The following PICK1 variants were observed in gnomAD, a reference collection of about 807,000 sequenced individuals.
PICK1 encodes PRKCA-binding protein.
In PICK1, 23 loss-of-function variants were observed where a neutral mutation model predicts 48.9. The observed-to-expected ratio is 0.47, with a 90% CI of 0.34 to 0.67. The LOEUF (loss-of-function observed/expected upper bound fraction) is 0.67, where lower values mean the gene tolerates loss of function less well. Ranked by LOEUF, PICK1 falls within the 30% of genes least tolerant of loss-of-function variation. The probability of loss-of-function intolerance (pLI) is 0.01; values close to 1 mark genes in which losing one functional copy is unlikely to be tolerated. For synonymous variants in PICK1, 217 were observed against 228.2 expected (o/e 0.95, Z 0.44); for missense variants, 423 against 557.1 (o/e 0.76, Z 2.42).
intron 4 of PICK1, chr22:38,067,461 A>C (rs1200130523): frequency 2.2e-6 from 1 of 454,336 alleles, no homozygotes. Context: ...GGCACGCGCC[A>C]CTACGCCCAG....
At chr22:38,064,865 G>A (rs951096389) in intron 3 of PICK1, 137 bp from the exon 4 acceptor site, 5 of 969,010 alleles carry the variant, frequency 5.2e-6, no homozygotes, top group South Asian at 2.6e-5. Context: ...ACTCCAGCCC[G>A]GGTGGTGAGA....
rs766793735 is a variant in PICK1, at chr22:38,073,851, G to T, written c.834+28G>T. The T allele has an allele frequency of 6.2e-7, 1 of 1,606,544 alleles. No homozygotes were observed. Among genetic ancestry groups the T allele is most frequent in the South Asian group, 1.1e-5 (1 of 90,966 alleles). The stretch of plus-strand genomic sequence containing the variant: ...GAGTGTTGGAGGGGGTGGGGGGCTT[G>T]TACTTCCCCCCACCTGGTCTGCCAG... On this transcript the variant is annotated intron_variant, in intron 11 of 12. Transcript: ENST00000356976. The surrounding 1 kb of genome is among the most constrained non-coding windows in gnomAD (Gnocchi z 5.7).
At chr22:38,057,666 C>T in intron 1 of PICK1, 79 bp downstream of exon 1, 1 of 557,162 alleles carries the variant, frequency 1.8e-6, no homozygotes, top group Non-Finnish European at 3.1e-6. Context: ...ACTGCTGTCC[C>T]GTATGAGGTG....
chr22:38,073,716 C>A lies in PICK1; in HGVS notation c.784-57C>A. 3 of 1,486,914 alleles carry A rather than the reference C, an allele frequency of 2.0e-6. No individual in the cohort carries two copies. Among genetic ancestry groups the A allele is most frequent in the Non-Finnish European group, 2.8e-6 (3 of 1,065,820 alleles). The allele number at this position is 1,486,914 out of a possible 1,614,324, so 92.1% of individuals were successfully genotyped here. On this transcript the variant is annotated intron_variant, in intron 10 of 12. Coordinates refer to ENST00000356976, the MANE Select transcript of PICK1 (RefSeq NM_012407.4). This position sits in a 1 kb window ranked among gnomAD's most constrained non-coding sequence, Gnocchi z 5.7. ...CTGCGTGTGGGTGATGGGGGTGGAG[C>A]TGGGGACCTGGGGTGGGGGTAGTAG...
chr22:38,074,074 T>G lies in PICK1; in HGVS notation c.835-233T>G, dbSNP rs763557290. 1.1e-4 allele frequency: 71 copies of G among 630,498 alleles called. No homozygotes were observed. The highest frequency in any genetic ancestry group is 4.3e-4 in the Middle Eastern group (1 of 2,330). 39.1% of individuals were successfully genotyped at this position (630,498 alleles called of 1,614,324 possible). On this transcript the variant is annotated intron_variant, in intron 11 of 12. Transcript: ENST00000356976. This position sits in a 1 kb window ranked among gnomAD's most constrained non-coding sequence, Gnocchi z 4.5. ...TTTCTTCACTCCTATGAGGCGCTTTTAAGTGTTTGATTTTTCTGCTGTCGG... is the reference window on the plus strand; with the variant it reads ...TTTCTTCACTCCTATGAGGCGCTTTGAAGTGTTTGATTTTTCTGCTGTCGG...
intron 9 of PICK1, 68 bp from the exon 10 acceptor site, chr22:38,072,932 G>A: frequency 2.0e-6 from 2 of 1,021,638 alleles, no homozygotes; most frequent in Non-Finnish European, 3.1e-6. Context: ...TGACGCATCA[G>A]TGCCATTCAT....
At position 38,075,197 on chromosome 22, in the gene PICK1, G is replaced by T; in HGVS notation, c.*65G>T. On this transcript the variant is annotated 3_prime_UTR_variant, in exon 13 of 13. Coordinates refer to ENST00000356976, the MANE Select transcript of PICK1 (RefSeq NM_012407.4). The stretch of plus-strand genomic sequence containing the variant: ...AGGACGGAGCCTGGGAGCGGGGCGG[G>T]GCCGCCGCGCAAGGGGGCGACGCAT... 2 of 1,506,068 alleles carry T rather than the reference G, an allele frequency of 1.3e-6. No homozygotes were observed. The highest frequency in any genetic ancestry group is 2.5e-5 in the South Asian group (2 of 81,164). 93.3% of individuals were successfully genotyped at this position (1,506,068 alleles called of 1,614,324 possible).
At chr22:38,068,481 G>T in intron 5 of PICK1, among the ~76,000 whole-genome samples, 1 of 152,176 alleles carries the variant, frequency 6.6e-6, no homozygotes, top group Non-Finnish European at 1.5e-5. Flanking sequence ...GAGGCCAAGG[G>T]GCTAAGGGCA....
At position 38,074,527 on chromosome 22, in the gene PICK1, G is replaced by C; in HGVS notation, c.979+76G>C. On this transcript the variant is annotated intron_variant, in intron 12 of 12. Transcript: ENST00000356976. This position sits in a 1 kb window ranked among gnomAD's most constrained non-coding sequence, Gnocchi z 4.5. ...CTGAGGCCCAGAGGGGTACTCTCAG[G>C]GCCAGGCCACGGCCCAGATGTAAAG... 1 of 1,574,026 alleles carries C rather than the reference G, an allele frequency of 6.4e-7. No homozygotes were observed. Among genetic ancestry groups the C allele is most frequent in the Non-Finnish European group, 8.7e-7 (1 of 1,155,328 alleles).
chr22:38,074,844 C>T lies in PICK1; in HGVS notation c.980-20C>T. On this transcript the variant is annotated intron_variant, in intron 12 of 12. Coordinates refer to ENST00000356976, the MANE Select transcript of PICK1 (RefSeq NM_012407.4). This position sits in a 1 kb window ranked among gnomAD's most constrained non-coding sequence, Gnocchi z 4.5. ...GCAGCCAGAGCCCACTGCAGCCTGT[C>T]CCCCGACCTCCCACCCCAGTCCAGG... 6.2e-7 allele frequency: 1 copy of T among 1,607,942 alleles called. No individual in the cohort carries two copies. Among genetic ancestry groups the T allele is most frequent in the Non-Finnish European group, 8.5e-7 (1 of 1,179,816 alleles).
chr22:38,070,903 G>A lies in PICK1; in HGVS notation c.493+12G>A, dbSNP rs553154088. 3.1e-6 allele frequency: 5 copies of A among 1,612,222 alleles called. No homozygotes were observed. The South Asian group carries it at 3.3e-5, about 11-fold the overall frequency. On this transcript the variant is annotated intron_variant, in intron 7 of 12. Coordinates refer to ENST00000356976, the MANE Select transcript of PICK1 (RefSeq NM_012407.4). Reference sequence around the variant, plus strand: ...TGAGCTATACAAAGGTGGGTGGGGGGTGGCCTCGTCCTGGCACTAGCTCTA... The same window carrying A: ...TGAGCTATACAAAGGTGGGTGGGGGATGGCCTCGTCCTGGCACTAGCTCTA...
At chr22:38,062,305 T>C (rs2085422497) in intron 3 of PICK1, among the ~76,000 whole-genome samples, 1 of 150,866 alleles carries the variant, frequency 6.6e-6, no homozygotes, top group Non-Finnish European at 1.5e-5. Flanking sequence ...TGGAGTGCAA[T>C]GGCGTGATCT....
intron 3 of PICK1, among the ~76,000 whole-genome samples, chr22:38,063,774 C>T (rs1005584234): frequency 7.2e-5 from 11 of 151,880 alleles, no homozygotes; most frequent in Admixed American, 1.3e-4. Context: ...TCCCAAGTAG[C>T]TGGGACTACA....
intron 2 of PICK1, among the ~76,000 whole-genome samples, chr22:38,059,027 C>A (rs907212503): frequency 3.3e-5 from 5 of 152,146 alleles, no homozygotes; most frequent in African/African-American, 1.2e-4. Flanking sequence ...CCAAGTTCCA[C>A]AGCTGATAAA....
rs1569205925 is a variant in PICK1 at position 38,075,007 on chromosome 22, C to G, written c.1123C>G (p.Gln375Glu). Residue 375 changes from glutamine (Q) to glutamate (E), a missense_variant, in exon 13 of 13, where the codon CAG (glutamine) becomes GAG (glutamate). Coordinates refer to ENST00000356976, the MANE Select transcript of PICK1 (RefSeq NM_012407.4). ...AHTTLAYGLN[Q>E]EEFTDGEEEE... Reference sequence around the variant, plus strand: ...CACCACATTGGCCTATGGCCTCAACCAGGAGGAGTTCACAGATGGGGAGGA... The same window carrying G: ...CACCACATTGGCCTATGGCCTCAACGAGGAGGAGTTCACAGATGGGGAGGA... The G allele has an allele frequency of 6.2e-7, 1 of 1,613,672 alleles. No individual in the cohort carries two copies. The highest frequency in any genetic ancestry group is 1.1e-5 in the South Asian group (1 of 91,086).
chr22:38,068,058 G>T, intron 5 of PICK1: 1 of 553,534 alleles, frequency 1.8e-6, no homozygotes, highest in Non-Finnish European at 3.6e-6. Context: ...CTACCCTAGG[G>T]TTGTCCTTTG....
In PICK1 at chr22:38,057,499, A is replaced by G; in HGVS notation, c.-146A>G. Reference sequence around the variant, plus strand: ...GGGACCAACGCTTCCGGTGAGCGACAGAGGCAGCTCCCCAGGGCCTGGAGA... The same window carrying G: ...GGGACCAACGCTTCCGGTGAGCGACGGAGGCAGCTCCCCAGGGCCTGGAGA... On this transcript the variant is annotated 5_prime_UTR_variant, in exon 1 of 13. Transcript: ENST00000356976. 4.9e-6 allele frequency: 2 copies of G among 409,586 alleles called. No homozygotes were observed. The highest frequency in any genetic ancestry group is 8.3e-5 in the East Asian group (2 of 24,014). The allele number at this position is 409,586 out of a possible 1,614,324, so 25.4% of individuals were successfully genotyped here.
intron 3 of PICK1, among the ~76,000 whole-genome samples, chr22:38,064,603 G>C (rs998496273): frequency 6.6e-6 from 1 of 151,976 alleles, no homozygotes; most frequent in Non-Finnish European, 1.5e-5. Flanking sequence ...CTCTACTAAA[G>C]ATACGAAATT....
Position 38,075,022 on chromosome 22 carries a change from G to A in PICK1, c.1138G>A (p.Asp380Asn), listed in dbSNP as rs1321355978. ...TGGCCTCAACCAGGAGGAGTTCACA[G>A]ATGGGGAGGAGGAGGAGGAGGAGGA... ...AYGLNQEEFT[D>N]GEEEEEEEDT... is the part of the protein sequence containing the mutation. Residue 380 changes from aspartate (D) to asparagine (N), a missense_variant, in exon 13 of 13, where the codon GAT becomes AAT. Transcript: ENST00000356976. The A allele has an allele frequency of 6.2e-7, 1 of 1,613,440 alleles. No individual in the cohort carries two copies. The highest frequency in any genetic ancestry group is 8.5e-7 in the Non-Finnish European group (1 of 1,180,028).
Sources: allele counts gnomAD v4.1 joint callset (sites outside exome capture counted in the v4.1 genomes callset), GRCh38; gene constraint gnomAD v4.1.1; non-coding constraint Gnocchi (gnomAD v3.1); transcripts MANE v1.5; gene names NCBI Gene and HGNC (gene_info 2026-07-23, HGNC 2026-07-21).